ZEB1: variants seen among roughly 807,000 people sequenced by gnomAD.
The protein encoded by ZEB1 is zinc finger E-box binding homeobox 1.
ZEB1 carries 21 observed loss-of-function variants against 84.9 expected under a neutral mutation model. The observed-to-expected ratio is 0.25, with a 90% confidence interval of 0.18 to 0.36. The LOEUF (loss-of-function observed/expected upper bound fraction) is 0.36, where lower values mean the gene tolerates loss of function less well. Ranked by LOEUF, ZEB1 falls within the 10% of genes least tolerant of loss-of-function variation. ZEB1 has a pLI of 1.00. For missense variants in ZEB1, 1,104 were observed against 1,330.2 expected (o/e 0.83, Z 2.65); for synonymous variants, 420 against 471.1 (o/e 0.89, Z 1.41).
chr10:31,344,276 TAA>T (rs934162862), intron 1 of ZEB1, among the ~76,000 whole-genome samples: 6 of 152,084 alleles, frequency 3.9e-5, no homozygotes, highest in Non-Finnish European at 8.8e-5. Flanking sequence ...TCCCAGTAAT[TAA>T]GTTTTTCATA....
chr10:31,360,758 TAGTG>T (rs2042893612), intron 1 of ZEB1, among the ~76,000 whole-genome samples: 3 of 152,252 alleles, frequency 2.0e-5, no homozygotes, highest in Non-Finnish European at 4.4e-5. Flanking sequence ...GTTCGTAAAT[TAGTG>T]AGTGATTTTT....
At chr10:31,523,410 G>A (rs1178962604) in intron 7 of ZEB1, among the ~76,000 whole-genome samples, 3 of 152,154 alleles carry the variant, frequency 2.0e-5, no homozygotes, top group East Asian at 1.9e-4. Context: ...CAAGGAGACC[G>A]TGGAGGTTAA....
intron 1 of ZEB1, among the ~76,000 whole-genome samples, chr10:31,409,198 A>G (rs1291912996): frequency 2.0e-5 from 3 of 152,226 alleles, no homozygotes; most frequent in African/African-American, 7.2e-5. Flanking sequence ...ACAATGAGAT[A>G]CCATTTCACA....
intron 6 of ZEB1, among the ~76,000 whole-genome samples, chr10:31,517,451 G>T (rs1311908067): frequency 6.6e-6 from 1 of 150,734 alleles, no homozygotes; most frequent in Non-Finnish European, 1.5e-5. Flanking sequence ...AGTAATTTTT[G>T]CCTGGAAAAT....
chr10:31,388,250 C>A (rs1019640129), intron 1 of ZEB1, among the ~76,000 whole-genome samples: 1 of 152,120 alleles, frequency 6.6e-6, no homozygotes, highest in Non-Finnish European at 1.5e-5. Flanking sequence ...GTAGTATTAA[C>A]AATGAGACTT....
intron 1 of ZEB1, among the ~76,000 whole-genome samples, chr10:31,417,701 A>G (rs924871525): frequency 1.3e-5 from 2 of 151,934 alleles, no homozygotes; most frequent in Non-Finnish European, 2.9e-5. Flanking sequence ...AATATTTTGC[A>G]TTTCATATTT....
intron 1 of ZEB1, among the ~76,000 whole-genome samples, chr10:31,349,901 G>C (rs1215951646): frequency 6.6e-6 from 1 of 151,956 alleles, no homozygotes; most frequent in Admixed American, 6.6e-5. Context: ...TTTATTTGCT[G>C]AGCAGAAATT....
intron 2 of ZEB1, among the ~76,000 whole-genome samples, chr10:31,493,898 A>G (rs1178415859): frequency 1.3e-5 from 2 of 152,076 alleles, no homozygotes; most frequent in African/African-American, 2.4e-5. Context: ...CCTAGAATTT[A>G]TCCCAAGGGG....
At chr10:31,410,238 A>G (rs189117632) in intron 1 of ZEB1, among the ~76,000 whole-genome samples, 136 of 152,292 alleles carry the variant, frequency 8.9e-4, no homozygotes, top group Non-Finnish European at 1.6e-3. Context: ...AATTTTATCA[A>G]AAGCCTTTTC....
At chr10:31,471,198 A>G (rs1252775788) in intron 2 of ZEB1, among the ~76,000 whole-genome samples, 2 of 124,192 alleles carry the variant, frequency 1.6e-5, no homozygotes, top group African/African-American at 6.3e-5. Flanking sequence ...GACAGGATCA[A>G]ATTCACACAT....
At chr10:31,509,955 A>G in intron 4 of ZEB1, among the ~76,000 whole-genome samples, 1 of 152,226 alleles carries the variant, frequency 6.6e-6, no homozygotes, top group East Asian at 1.9e-4. Flanking sequence ...AAAGCTATAT[A>G]TATTCATACA....
intron 2 of ZEB1, among the ~76,000 whole-genome samples, chr10:31,470,575 A>G (rs2063090866): frequency 7.1e-6 from 1 of 140,930 alleles, no homozygotes; most frequent in African/African-American, 2.7e-5. Context: ...AAAAGACCAA[A>G]TCTACATCTG....
chr10:31,493,963 T>A (rs954534654), intron 2 of ZEB1, among the ~76,000 whole-genome samples: 1 of 151,926 alleles, frequency 6.6e-6, no homozygotes, highest in Admixed American at 6.6e-5. Context: ...CCTAAAATAG[T>A]TATAAGTAGA....
At chr10:31,498,668 T>TA (rs2067646120) in intron 3 of ZEB1, among the ~76,000 whole-genome samples, 1 of 152,008 alleles carries the variant, frequency 6.6e-6, no homozygotes, top group Non-Finnish European at 1.5e-5. Flanking sequence ...TGTCAGTAGT[T>TA]ACAATTTAAT....
Position 31,527,739 on chromosome 10 carries a change from A to G in ZEB1, c.*475A>G, listed in dbSNP as rs891010652. The G allele has an allele frequency of 1.8e-5, 3 of 162,186 alleles. No individual in the cohort carries two copies. Among genetic ancestry groups the G allele is most frequent in the African/African-American group, 7.2e-5 (3 of 41,482 alleles). The allele number at this position is 162,186 out of a possible 1,614,324, so 10.0% of individuals were successfully genotyped here. ...GCTAAATCCGCTTCAGTATTTTATTATGTTTTTTAAAATGTGAGAACTTCT... is the reference window on the plus strand; with the variant it reads ...GCTAAATCCGCTTCAGTATTTTATTGTGTTTTTTAAAATGTGAGAACTTCT... On this transcript the variant is annotated 3_prime_UTR_variant, in exon 9 of 9. Coordinates refer to ENST00000424869, the MANE Select transcript of ZEB1 (RefSeq NM_001174096.2).
intron 2 of ZEB1, among the ~76,000 whole-genome samples, chr10:31,473,849 T>C (rs2063652182): frequency 6.6e-6 from 1 of 150,548 alleles, no homozygotes; most frequent in African/African-American, 2.5e-5. Flanking sequence ...ATGGTACTGG[T>C]ACCAAAACAG....
At chr10:31,385,633 TCTC>T (rs1171631488) in intron 1 of ZEB1, among the ~76,000 whole-genome samples, 1 of 152,048 alleles carries the variant, frequency 6.6e-6, no homozygotes, top group African/African-American at 2.4e-5. Context: ...TTCAAGCAGT[TCTC>T]CTGCCTTAGC....
chr10:31,379,373 A>G (rs1428289345), intron 1 of ZEB1, among the ~76,000 whole-genome samples: 7 of 151,746 alleles, frequency 4.6e-5, no homozygotes, highest in Non-Finnish European at 1.0e-4. Flanking sequence ...TCTCTTTCCT[A>G]AGGTATTGTT....
chr10:31,456,249 G>A (rs563857269), intron 1 of ZEB1, among the ~76,000 whole-genome samples: 55 of 152,256 alleles, frequency 3.6e-4, no homozygotes, highest in African/African-American at 1.2e-3. Flanking sequence ...ACACACCAGG[G>A]CCTGTTGGCG....
Sources: gnomAD v4.1 joint callset for allele counts (sites outside exome capture counted in the v4.1 genomes callset) on GRCh38, gnomAD v4.1.1 for gene constraint, MANE v1.5 for transcripts, NCBI Gene and HGNC (gene_info 2026-07-23, HGNC 2026-07-21) for gene names.